ANK2: variants seen among roughly 807,000 people sequenced by gnomAD.
ANK2 encodes the protein ankyrin-2.
ANK2 carries 83 observed loss-of-function variants against 360.5 expected under a neutral mutation model. The ratio of observed to expected loss-of-function variants is 0.23; its 90% CI spans 0.19 to 0.28. ANK2 has a LOEUF of 0.28. ANK2 is among the 10% of genes least tolerant of loss of function. ANK2 has a pLI of 1.00. For synonymous variants in ANK2, 1,740 were observed against 1,759.5 expected, an observed-to-expected ratio of 0.99 and a Z score of 0.28; for missense variants, 4,201 against 4,795.7, an observed-to-expected ratio of 0.88 and a Z score of 3.66.
At chr4:113,247,814 C>T (rs1432911248) in intron 9 of ANK2, among the ~76,000 whole-genome samples, 1 of 152,188 alleles carries the variant, frequency 6.6e-6, no homozygotes, top group Non-Finnish European at 1.5e-5. Flanking sequence ...TGTGGGATTT[C>T]TCAAACCCTA....
the ANK2 span, among the ~76,000 whole-genome samples, chr4:112,717,579 A>G: frequency 6.6e-6 from 1 of 152,164 alleles, no homozygotes. Flanking sequence ...ATTTAATACA[A>G]ATTATAAGGA....
chr4:113,114,508 G>C (rs1228981487), intron 1 of ANK2, among the ~76,000 whole-genome samples: 1 of 151,984 alleles, frequency 6.6e-6, no homozygotes, highest in Admixed American at 6.5e-5. Context: ...TGTCATACTT[G>C]TTTATAGAAA....
chr4:112,877,690 C>G (rs1338556965), intron 1 of ANK2, among the ~76,000 whole-genome samples: 1 of 152,108 alleles, frequency 6.6e-6, no homozygotes, highest in Non-Finnish European at 1.5e-5. Flanking sequence ...GACTGGGGCC[C>G]TATGTGACTG....
intron 1 of ANK2, among the ~76,000 whole-genome samples, chr4:112,832,483 C>CTA (rs1272813819): frequency 2.8e-4 from 43 of 152,312 alleles, no homozygotes; most frequent in African/African-American, 9.6e-4. Flanking sequence ...CCAGGAAAGA[C>CTA]TATTGTTTCT....
At chr4:113,241,758 T>C (rs142681358) in intron 8 of ANK2, among the ~76,000 whole-genome samples, 3 of 152,234 alleles carry the variant, frequency 2.0e-5, no homozygotes, top group Non-Finnish European at 4.4e-5. Flanking sequence ...ATGGATGTTA[T>C]AGAAAGAAAG....
At chr4:113,104,572 G>C (rs1214918629) in intron 1 of ANK2, among the ~76,000 whole-genome samples, 2 of 152,102 alleles carry the variant, frequency 1.3e-5, no homozygotes, top group Non-Finnish European at 2.9e-5. Context: ...AACATTAGCT[G>C]GGTGTGGTAA....
intron 45 of ANK2, chr4:113,375,015 C>T (rs112003562): frequency 1.7e-5 from 15 of 876,318 alleles, no homozygotes; most frequent in Middle Eastern, 4.8e-4. Context: ...AAAAGAAAAT[C>T]GTTTGTCATT....
At chr4:113,019,528 G>A (rs75924581) in intron 2 of ANK2, among the ~76,000 whole-genome samples, 17,833 of 152,102 alleles carry the variant, frequency 0.12, 1,496 homozygotes, top group East Asian at 0.39. Context: ...TTCTTGGTTT[G>A]TATTAGTTTT....
At chr4:113,266,689 C>T (rs182501440) in intron 14 of ANK2, among the ~76,000 whole-genome samples, 1 of 152,332 alleles carries the variant, frequency 6.6e-6, no homozygotes, top group African/African-American at 2.4e-5. Context: ...ACCAGCCTGA[C>T]CAACATGGAG....
the ANK2 span, among the ~76,000 whole-genome samples, chr4:112,727,229 A>C: frequency 6.6e-6 from 1 of 152,226 alleles, no homozygotes; most frequent in African/African-American, 2.4e-5. Context: ...ACTGAATATT[A>C]TTGACTAGAT....
chr4:113,236,236 A>G (rs2099382918), intron 5 of ANK2, among the ~76,000 whole-genome samples: 1 of 152,160 alleles, frequency 6.6e-6, no homozygotes, highest in Non-Finnish European at 1.5e-5. Flanking sequence ...TCTAGAAAGA[A>G]AAAGATAGCT....
intron 2 of ANK2, among the ~76,000 whole-genome samples, chr4:112,950,862 C>T (rs1408748849): frequency 1.3e-5 from 2 of 150,756 alleles, no homozygotes; most frequent in African/African-American, 4.9e-5. Flanking sequence ...GCGGGCGGAT[C>T]ACGAGGTCAG....
chr4:112,957,811 G>C (rs1489066110), intron 2 of ANK2, among the ~76,000 whole-genome samples: 4 of 143,290 alleles, frequency 2.8e-5, no homozygotes, highest in African/African-American at 1.1e-4. Flanking sequence ...GGCGGCTGCC[G>C]GGCGGAGGGG....
At chr4:113,290,847 C>T (rs1369578160) in intron 20 of ANK2, among the ~76,000 whole-genome samples, 1 of 152,154 alleles carries the variant, frequency 6.6e-6, no homozygotes, top group Non-Finnish European at 1.5e-5. Context: ...GTCTAGAGCT[C>T]CTAGCCAGAT....
intron 1 of ANK2, among the ~76,000 whole-genome samples, chr4:112,870,383 C>T (rs535644121): frequency 6.6e-6 from 1 of 152,302 alleles, no homozygotes; most frequent in Non-Finnish European, 1.5e-5. Context: ...TTGCCTAGTT[C>T]AGGCCATGAA....
chr4:113,145,855 A>G (rs2096809613), intron 1 of ANK2: 4 of 1,289,472 alleles, frequency 3.1e-6, no homozygotes, highest in Non-Finnish European at 4.0e-6. Context: ...GACAGCAGGA[A>G]CTGTAGAGCT....
chr4:113,153,682 A>G (rs1358160293), intron 1 of ANK2, among the ~76,000 whole-genome samples: 3 of 152,192 alleles, frequency 2.0e-5, no homozygotes, highest in Non-Finnish European at 2.9e-5. Context: ...GGATTGTGTA[A>G]TAAACACACA....
intron 9 of ANK2, 120 bp from the exon 10 acceptor site, chr4:113,249,644 A>G: frequency 3.4e-6 from 3 of 894,316 alleles, no homozygotes; most frequent in Admixed American, 2.0e-5. Context: ...TTGCAGTTCT[A>G]TTACTTATTT....
intron 1 of ANK2, among the ~76,000 whole-genome samples, chr4:113,105,722 A>C (rs2093537330): frequency 6.6e-6 from 1 of 152,178 alleles, no homozygotes; most frequent in South Asian, 2.1e-4. Context: ...TAAAAGCTGA[A>C]TAGTCTATGG....
Sources: gnomAD v4.1 joint callset for allele counts (sites outside exome capture counted in the v4.1 genomes callset) on GRCh38, gnomAD v4.1.1 for gene constraint, MANE v1.5 for transcripts, NCBI Gene and HGNC (gene_info 2026-07-23, HGNC 2026-07-21) for gene names.